The following MED13 variants were observed in gnomAD, a reference collection of about 807,000 sequenced individuals.
MED13 encodes mediator of RNA polymerase II transcription subunit 13.
Under a neutral mutation model 225.2 loss-of-function variants are expected in MED13, and 23 were observed. That is an observed-to-expected ratio of 0.10 (90% CI 0.07 to 0.14). The LOEUF (loss-of-function observed/expected upper bound fraction) is 0.14. Ranked by LOEUF, MED13 falls within the 10% of genes least tolerant of loss-of-function variation. MED13 has a pLI of 1.00. For synonymous variants in MED13, 942 were observed against 889.2 expected, an observed-to-expected ratio of 1.06 and a Z score of -1.06; for missense variants, 2,197 against 2,594.5, an observed-to-expected ratio of 0.85 and a Z score of 3.33.
chr17:62,013,689 TC>T (rs1237440169), intron 8 of MED13, among the ~76,000 whole-genome samples: 1 of 152,074 alleles, frequency 6.6e-6, no homozygotes, highest in Non-Finnish European at 1.5e-5. Flanking sequence ...AAGAAAGAGG[TC>T]AGAGATTTCG....
intron 3 of MED13, among the ~76,000 whole-genome samples, chr17:62,042,981 A>G (rs1327348846): frequency 6.6e-6 from 1 of 151,402 alleles, no homozygotes; most frequent in Non-Finnish European, 1.5e-5. Flanking sequence ...CAGCAGAGAA[A>G]CCCCATCTCT....
rs887550531 is a variant in MED13, at chr17:62,024,207, G to A, written c.1283+5334C>T. On this transcript the variant is annotated intron_variant, in intron 8 of 29. Transcript: ENST00000397786. ...TAATTTTTGTATTTTTAATAGAGATGGTATTTCACCATGTTGGCCAGGCTG... is the reference window on the plus strand; with the variant it reads ...TAATTTTTGTATTTTTAATAGAGATAGTATTTCACCATGTTGGCCAGGCTG... Among the ~76,000 whole-genome samples the A allele has an allele frequency of 5.3e-5, 8 of 151,964 alleles. No individual in the cohort carries two copies. In the East Asian group the frequency reaches 1.4e-3, roughly 26 times the overall value.
chr17:61,958,115 C>T lies in MED13; in HGVS notation c.5481-1634G>A, dbSNP rs551356261. On this transcript the variant is annotated intron_variant, in intron 23 of 29. Transcript: ENST00000397786. ...TCCTGACCTTGTGATCCGCCCGCCT[C>T]GGCCTCCCAAAGTGCTGGGATTACA... Among the ~76,000 whole-genome samples, 110 of 151,566 alleles carry T rather than the reference C, an allele frequency of 7.3e-4. 1 individual carries two copies. Among genetic ancestry groups the T allele is most frequent in the African/African-American group, 2.5e-3 (103 of 41,344 alleles).
At chr17:61,994,931 A>C (rs2080334632) in intron 10 of MED13, among the ~76,000 whole-genome samples, 1 of 152,140 alleles carries the variant, frequency 6.6e-6, no homozygotes, top group African/African-American at 2.4e-5. Context: ...AGCTGGTCTC[A>C]AACTCCTGTC....
chr17:61,946,985 T>C lies in MED13; in HGVS notation c.6324A>G (p.Gln2108=), dbSNP rs371934606. 8 of 1,614,024 alleles carry C rather than the reference T, an allele frequency of 5.0e-6. No individual in the cohort carries two copies. Among genetic ancestry groups the C allele is most frequent in the African/African-American group, 2.7e-5 (2 of 74,914 alleles). Residue 2108 remains glutamine, a synonymous_variant, in exon 29 of 30, where the codon CAA becomes CAG. Coordinates refer to ENST00000397786, the MANE Select transcript of MED13 (RefSeq NM_005121.3). The stretch of plus-strand genomic sequence containing the variant: ...GTTTACTGTGAAGCAGCTCGTCAGA[T>C]TGCACTGAAGGCACGTGGAGGTGCA... The part of the protein sequence containing the change: ...ASLHLHVPSV[Q]SDELLHSKHS...
At chr17:62,044,132 GT>G (rs921534379) in intron 3 of MED13, among the ~76,000 whole-genome samples, 1 of 151,696 alleles carries the variant, frequency 6.6e-6, no homozygotes, top group African/African-American at 2.4e-5. Context: ...TTTTTAATCA[GT>G]TTTGGAGAGC....
rs2080777437 is a variant in MED13 at position 62,033,709 on chromosome 17, T to C, written c.814+78A>G. On this transcript the variant is annotated intron_variant, in intron 5 of 29. Transcript: ENST00000397786. Reference sequence around the variant, plus strand: ...TTGAAAGCCACTGAGTTATTAGACTTGTTTGTTATTCAGCAAAATATAACT... The same window carrying C: ...TTGAAAGCCACTGAGTTATTAGACTCGTTTGTTATTCAGCAAAATATAACT... The C allele has an allele frequency of 5.9e-6, 8 of 1,360,730 alleles. No individual in the cohort carries two copies. The South Asian group carries it at 1.1e-4, about 18-fold the overall frequency. 84.3% of individuals were successfully genotyped at this position (1,360,730 alleles called of 1,614,324 possible).
chr17:61,956,525 T>C (rs1421042678), intron 23 of MED13, 44 bp from the exon 24 acceptor site: 3 of 1,561,876 alleles, frequency 1.9e-6, no homozygotes, highest in African/African-American at 2.8e-5. Flanking sequence ...TTCTAAAATT[T>C]ATATGATTTT....
At chr17:61,989,478 A>G (rs78022228) in intron 11 of MED13, among the ~76,000 whole-genome samples, 1,847 of 152,264 alleles carry the variant, frequency 0.012, 38 homozygotes, top group African/African-American at 0.041. Context: ...AGATGGGATT[A>G]CAGGTGCACG....
rs766909961 is a variant in MED13 at position 62,008,317 on chromosome 17, C to CAAAAAA, written c.1967+2227_1967+2232dup. ...TGGGCCACAGAGCGAGGCTCTGTCT[C>CAAAAAA]AAAAAAAAAAAAAAAAAAAAAAAAA... On this transcript the variant is annotated intron_variant, in intron 9 of 29. Coordinates refer to ENST00000397786, the MANE Select transcript of MED13 (RefSeq NM_005121.3). Among the ~76,000 whole-genome samples, 227 of 33,206 alleles carry CAAAAAA rather than the reference C, an allele frequency of 6.8e-3. 20 individuals are homozygous for CAAAAAA. Among genetic ancestry groups the CAAAAAA allele is most frequent in the African/African-American group, 0.022 (208 of 9,324 alleles). The allele number at this position is 33,206 out of a possible 152,430, so 21.8% of individuals were successfully genotyped here. A position where few individuals can be genotyped will look rare whatever the true frequency, so the allele number is the denominator to read the frequency against.
Position 62,035,519 on chromosome 17 carries a change from T to G in MED13, c.560A>C (p.Tyr187Ser). 6 of 1,613,506 alleles carry G rather than the reference T, an allele frequency of 3.7e-6. No individual in the cohort carries two copies. The highest frequency in any genetic ancestry group is 2.2e-5 in the South Asian group (2 of 91,058). ...SVEINQHQPV[Y>S]LLSEEHITLA... The stretch of plus-strand genomic sequence containing the variant: ...GGTGATATGCTCTTCACTGAGAAGG[T>G]ATACAGGTTGATGTTGGTTAATTTC... Residue 187 changes from tyrosine to serine, a missense_variant, in exon 4 of 30, where the codon TAC becomes TCC. Transcript: ENST00000397786.
chr17:61,970,843 G>A (rs971524460), intron 17 of MED13, among the ~76,000 whole-genome samples: 28 of 150,358 alleles, frequency 1.9e-4, no homozygotes, highest in Admixed American at 3.3e-4. Flanking sequence ...TGGGCAACAT[G>A]GCAAAACCTC....
chr17:62,029,991 C>T lies in MED13; in HGVS notation c.1032G>A (p.Lys344=), dbSNP rs765675630. ...CAGATACTGAAGAAAATTTGACCCA[C>T]TTCTGGACAGACTGAGGATCAACTG... The part of the protein sequence containing the change: ...VQTVDPQSVQ[K]WVKFSSVSDG... The change falls in exon 7 of 30, where the codon AAG becomes AAA. Residue 344 remains lysine (K), a synonymous_variant. Transcript: ENST00000397786. The T allele has an allele frequency of 1.9e-6, 3 of 1,603,644 alleles. 1 individual carries two copies. Among genetic ancestry groups the T allele is most frequent in the East Asian group, 4.5e-5 (2 of 44,708 alleles).
intron 8 of MED13, among the ~76,000 whole-genome samples, chr17:62,020,802 G>A (rs1366260278): frequency 4.0e-5 from 6 of 151,512 alleles, no homozygotes; most frequent in Non-Finnish European, 4.4e-5. Context: ...AGTGAACAAA[G>A]GTCTCTGGTT....
intron 3 of MED13, among the ~76,000 whole-genome samples, chr17:62,045,558 C>A (rs1305560451): frequency 1.3e-5 from 2 of 151,918 alleles, no homozygotes; most frequent in African/African-American, 2.4e-5. Flanking sequence ...TCAAGATAAT[C>A]TTTTTCAAAT....
At chr17:61,978,540 C>T (rs1050066064) in intron 16 of MED13, among the ~76,000 whole-genome samples, 3 of 152,124 alleles carry the variant, frequency 2.0e-5, no homozygotes, top group African/African-American at 7.2e-5. Flanking sequence ...GGATCAACTG[C>T]TCTGTATTTC....
chr17:62,052,821 T>C, intron 2 of MED13, 116 bp from the exon 3 acceptor site: 1 of 615,516 alleles, frequency 1.6e-6, no homozygotes. Flanking sequence ...CCCCAGAATA[T>C]TAAGCTACAA....
intron 9 of MED13, among the ~76,000 whole-genome samples, chr17:61,998,043 CAAT>C (rs773708228): frequency 3.3e-4 from 50 of 152,116 alleles, no homozygotes; most frequent in East Asian, 2.3e-3. Context: ...TATCAAGACA[CAAT>C]AAATTTTAAA....
chr17:61,976,197 C>T (rs972096384), intron 16 of MED13, among the ~76,000 whole-genome samples: 4 of 152,158 alleles, frequency 2.6e-5, no homozygotes, highest in East Asian at 3.9e-4. Context: ...AAATAAAATA[C>T]GGTATCTTCA....
Sources: gnomAD v4.1 joint callset for allele counts (sites outside exome capture counted in the v4.1 genomes callset) on GRCh38, gnomAD v4.1.1 for gene constraint, MANE v1.5 for transcripts, NCBI Gene and HGNC (gene_info 2026-07-23, HGNC 2026-07-21) for gene names.